Variants in ELF1 observed in about 807,000 individuals in gnomAD.
ELF1 encodes ETS-related transcription factor Elf-1.
ELF1 carries 24 observed loss-of-function variants against 59.9 expected under a neutral mutation model. The ratio of observed to expected loss-of-function variants is 0.40; its 90% CI spans 0.29 to 0.56. ELF1 has a LOEUF of 0.56. Among genes scored for constraint, ELF1 ranks in the 20% least tolerant of loss-of-function variants. The probability of loss-of-function intolerance (pLI) is 0.44; values close to 1 mark genes in which losing one functional copy is unlikely to be tolerated. For synonymous variants in ELF1, 248 were observed against 266.2 expected (o/e 0.93, Z 0.67); for missense variants, 627 against 742.2 (o/e 0.84, Z 1.80).
intron 1 of ELF1, among the ~76,000 whole-genome samples, chr13:40,987,009 C>G (rs1214322050): frequency 7.0e-6 from 1 of 142,968 alleles, no homozygotes; most frequent in East Asian, 2.1e-4. Context: ...CATCTCGGCT[C>G]ATTGCAAGCT....
intron 1 of ELF1, among the ~76,000 whole-genome samples, chr13:41,012,620 C>T (rs1035933966): frequency 4.7e-5 from 7 of 148,736 alleles, no homozygotes; most frequent in African/African-American, 1.7e-4. Flanking sequence ...TCATATTTCA[C>T]TGTAGCATTA....
intron 3 of ELF1, among the ~76,000 whole-genome samples, chr13:40,955,767 G>GT (rs1204480407): frequency 6.4e-5 from 4 of 62,328 alleles, no homozygotes; most frequent in South Asian, 5.2e-4. Context: ...CGTCCGGGAG[G>GT]GAGGCGGGGG....
chr13:40,941,115 T>G lies in ELF1; in HGVS notation c.1062A>C (p.Lys354Asn), dbSNP rs1870136343. 6.2e-7 allele frequency: 1 copy of G among 1,614,094 alleles called. No homozygotes were observed. The highest frequency in any genetic ancestry group is 1.1e-5 in the South Asian group (1 of 91,076). Residue 354 changes from lysine to asparagine, a missense_variant, in exon 8 of 9, where the codon AAA (lysine) becomes AAC (asparagine). By Grantham distance (94) the Lys-to-Asn change is moderately conservative. Around this residue, in one of 3 missense-constraint regions of ELF1, gnomAD observed 361 missense variants for 396.1 expected, o/e 0.91. Transcript: ENST00000239882. ...GTGCAACTTCCACAGGATCTTTGGG[T>G]TTTGCAGCTTTAGAATTCCCTGGTT... Reference protein sequence around the residue: ...VLKPGNSKAAKPKDPVEVAQP... With the variant: ...VLKPGNSKAANPKDPVEVAQP...
At chr13:40,971,184 G>A (rs1279788955) in intron 2 of ELF1, among the ~76,000 whole-genome samples, 2 of 152,138 alleles carry the variant, frequency 1.3e-5, no homozygotes, top group African/African-American at 4.8e-5. Context: ...GATAAAAAAT[G>A]TATATTATAT....
chr13:41,012,965 A>G (rs1875164479), intron 1 of ELF1, among the ~76,000 whole-genome samples: 1 of 152,208 alleles, frequency 6.6e-6, no homozygotes. Context: ...GGGAACATGT[A>G]TTTATTAAAA....
intron 1 of ELF1, among the ~76,000 whole-genome samples, chr13:41,025,567 G>C (rs1875861359): frequency 6.6e-6 from 1 of 152,222 alleles, no homozygotes; most frequent in East Asian, 1.9e-4. Flanking sequence ...TTTAAAAATA[G>C]AGATAAGAGG....
At chr13:41,025,060 T>C (rs1056085299) in intron 1 of ELF1, among the ~76,000 whole-genome samples, 1 of 152,208 alleles carries the variant, frequency 6.6e-6, no homozygotes, top group Non-Finnish European at 1.5e-5. Flanking sequence ...AACTGATTTC[T>C]TAGAGGCAAA....
chr13:40,942,874 G>T, intron 7 of ELF1, 78 bp downstream of exon 7: 1 of 1,378,518 alleles, frequency 7.3e-7, no homozygotes, highest in African/African-American at 1.5e-5. Context: ...GTGCTTTGCT[G>T]AACTTAAGCT....
chr13:40,954,435 A>T (rs79980100), intron 3 of ELF1, among the ~76,000 whole-genome samples: 2 of 42,272 alleles, frequency 4.7e-5, no homozygotes, highest in Non-Finnish European at 2.2e-4. Context: ...CCCTCTCCCC[A>T]CGGTCTCCCT....
At chr13:40,980,904 T>A (rs1873221793) in intron 2 of ELF1, among the ~76,000 whole-genome samples, 1 of 152,158 alleles carries the variant, frequency 6.6e-6, no homozygotes. Flanking sequence ...TTATCCTCCC[T>A]AGTCAAAGCT....
rs529635481 is a variant in ELF1, at chr13:40,991,348, C to T, written c.-228-9066G>A. On this transcript the variant is annotated intron_variant, in intron 1 of 8. Transcript: ENST00000239882. ...GATGTCCCATAGGTCTGTAAGGGAC[C>T]TTTCTATTTACAGTTTTTCTGTAAA... Among the ~76,000 whole-genome samples the T allele has an allele frequency of 5.9e-5, 9 of 152,310 alleles. No individual in the cohort carries two copies. In the South Asian group the frequency reaches 1.9e-3, roughly 32 times the overall value.
At chr13:41,048,795 A>C (rs1876967058) in intron 1 of ELF1, among the ~76,000 whole-genome samples, 1 of 151,240 alleles carries the variant, frequency 6.6e-6, no homozygotes, top group African/African-American at 2.4e-5. Flanking sequence ...CCGCAACCCC[A>C]ACTACAACTA....
rs1873310063 is a variant in ELF1, at chr13:40,982,141, A to T, written c.-87T>A. 3 of 1,552,578 alleles carry T rather than the reference A, an allele frequency of 1.9e-6. No homozygotes were observed. Among genetic ancestry groups the T allele is most frequent in the Non-Finnish European group, 2.6e-6 (3 of 1,150,972 alleles). On this transcript the variant is annotated 5_prime_UTR_variant, in exon 2 of 9. Transcript: ENST00000239882. Reference sequence around the variant, plus strand: ...GCAAAATCCAGTGACTGATTTGGGTAAAAAACCCTCAGCTCTGTCTGTGGA... The same window carrying T: ...GCAAAATCCAGTGACTGATTTGGGTTAAAAACCCTCAGCTCTGTCTGTGGA...
At chr13:41,040,487 A>G (rs1031677450) in intron 1 of ELF1, among the ~76,000 whole-genome samples, 1 of 152,142 alleles carries the variant, frequency 6.6e-6, no homozygotes, top group Admixed American at 6.6e-5. Flanking sequence ...TACCAGGGAC[A>G]GTTTTGTGGA....
At position 41,041,260 on chromosome 13, in the gene ELF1, CAAA is replaced by C. The variant is rs11326566; in HGVS notation, c.-229+19575_-229+19577del. The stretch of plus-strand genomic sequence containing the variant: ...AAAAAAAGGATCAAGCTGGTTTCAT[CAAA>C]AAAAAAAAAAAAAAAACCTATTACA... On this transcript the variant is annotated intron_variant, in intron 1 of 1. Transcript: ENST00000405737. Among the ~76,000 whole-genome samples the C allele has an allele frequency of 4.3e-3, 499 of 115,234 alleles. 1 individual carries two copies. The highest frequency in any genetic ancestry group is 0.028 in the Middle Eastern group (6 of 214). 75.6% of individuals were successfully genotyped at this position (115,234 alleles called of 152,430 possible).
chr13:41,056,854 G>A (rs1877303366), intron 1 of ELF1, among the ~76,000 whole-genome samples: 1 of 152,172 alleles, frequency 6.6e-6, no homozygotes, highest in Admixed American at 6.5e-5. Context: ...ATGTTGACCT[G>A]AGATGTGCAG....
chr13:40,996,704 G>T (rs1874144584), intron 1 of ELF1, among the ~76,000 whole-genome samples: 2 of 152,124 alleles, frequency 1.3e-5, no homozygotes. Context: ...CATGTGCAGG[G>T]GCAGGAGGTA....
At chr13:41,061,230 CGGA>C in exon 1 of ELF1, 1 of 231,506 alleles carries the variant, frequency 4.3e-6, no homozygotes, top group Non-Finnish European at 8.8e-6. Context: ...GCGTTCCGGG[CGGA>C]GGCGGCGCGC....
intron 5 of ELF1, among the ~76,000 whole-genome samples, chr13:40,945,266 A>T (rs1447359108): frequency 1.3e-5 from 2 of 152,180 alleles, no homozygotes; most frequent in Non-Finnish European, 2.9e-5. Flanking sequence ...CTCCCAACCC[A>T]GTATCCATCC....
Sources: allele counts gnomAD v4.1 joint callset (sites outside exome capture counted in the v4.1 genomes callset), GRCh38; gene constraint gnomAD v4.1.1; regional missense constraint gnomAD v4.1.1; transcripts MANE v1.5; gene names NCBI Gene and HGNC (gene_info 2026-07-23, HGNC 2026-07-21).